INTU: variants seen among roughly 807,000 people sequenced by gnomAD.
INTU encodes the protein inturned planar cell polarity protein.
Under a neutral mutation model 100.5 loss-of-function variants are expected in INTU, and 68 were observed. That is an observed-to-expected ratio of 0.68 (90% CI 0.56 to 0.83). The LOEUF (loss-of-function observed/expected upper bound fraction) is 0.83, where lower values mean the gene tolerates loss of function less well. Ranked by LOEUF, INTU falls within the 40% of genes least tolerant of loss-of-function variation. The pLI, the probability that INTU is intolerant of heterozygous loss-of-function variation, is 0.00. For synonymous variants in INTU, 357 were observed against 395.7 expected, an observed-to-expected ratio of 0.90 and a Z score of 1.16; for missense variants, 1,071 against 1,114.7, an observed-to-expected ratio of 0.96 and a Z score of 0.56.
At chr4:127,691,962 G>GTGTATATA in intron 8 of INTU, among the ~76,000 whole-genome samples, 2,114 of 98,240 alleles carry the variant, frequency 0.022, 305 homozygotes, top group East Asian at 0.12. Context: ...TCCATGGTAT[G>GTGTATATA]TATATATATA....
Position 127,672,987 on chromosome 4 carries a change from C to T in INTU, c.1092-1137C>T, listed in dbSNP as rs187815264. Among the ~76,000 whole-genome samples the T allele has an allele frequency of 2.7e-3, 418 of 152,292 alleles. 4 individuals carry two copies. Among genetic ancestry groups the T allele is most frequent in the African/African-American group, 9.5e-3 (394 of 41,568 alleles). On this transcript the variant is annotated intron_variant, in intron 5 of 15. Transcript: ENST00000335251. ...CCTGAAACTATCGACACAGTGAATA[C>T]ATTCATCACCCCAAAAGTTTCCTTG...
chr4:127,688,666 C>T (rs900067957), intron 8 of INTU, among the ~76,000 whole-genome samples: 1 of 152,170 alleles, frequency 6.6e-6, no homozygotes, highest in African/African-American at 2.4e-5. Flanking sequence ...ATTGATGTAT[C>T]AATCACTTTG....
At chr4:127,692,175 A>G (rs138965936) in intron 8 of INTU, among the ~76,000 whole-genome samples, 1,864 of 151,758 alleles carry the variant, frequency 0.012, 23 homozygotes, top group South Asian at 0.031. Context: ...AATCTCCACA[A>G]TGTTTTCCAT....
intron 1 of INTU, among the ~76,000 whole-genome samples, chr4:127,637,155 G>GTTGCCTC (rs1460331768): frequency 2.0e-5 from 3 of 152,190 alleles, no homozygotes; most frequent in South Asian, 2.1e-4. Flanking sequence ...TACTTAAAAG[G>GTTGCCTC]TTGCCTCTTG....
intron 4 of INTU, among the ~76,000 whole-genome samples, chr4:127,668,172 G>T (rs2126205399): frequency 6.6e-6 from 1 of 152,012 alleles, no homozygotes; most frequent in East Asian, 1.9e-4. Context: ...AATAAATGTT[G>T]CTTTAAGTAA....
chr4:127,645,304 G>A (rs1407323148), intron 2 of INTU, among the ~76,000 whole-genome samples: 2 of 152,096 alleles, frequency 1.3e-5, no homozygotes, highest in East Asian at 1.9e-4. Flanking sequence ...TTATTTTGGG[G>A]ATACTTGCCC....
chr4:127,691,980 A>ATATATATATATATATGTGTG (rs971919620), intron 8 of INTU, among the ~76,000 whole-genome samples: 2 of 143,416 alleles, frequency 1.4e-5, no homozygotes, highest in African/African-American at 5.3e-5. Context: ...ATATATATAT[A>ATATATATATATATATGTGTG]TGTCACATTT....
At chr4:127,684,597 C>T (rs565506530) in intron 7 of INTU, 111 bp downstream of exon 7, 44 of 578,508 alleles carry the variant, frequency 7.6e-5, no homozygotes, top group African/African-American at 7.2e-4. Context: ...CTCTTTTCTC[C>T]TCCCTCCCCT....
rs2255457 is a variant in INTU at position 127,633,249 on chromosome 4, G to A, written c.146+69G>A. ...CAGAGAATATACACGTGGGCTGGGG[G>A]AACTGCAAGGGTGTTGGCGTGGTTG... On this transcript the variant is annotated intron_variant, in intron 1 of 15. Coordinates refer to ENST00000335251, the MANE Select transcript of INTU (RefSeq NM_015693.4). The A allele has an allele frequency of 0.48, 727,776 of 1,518,026 alleles. 177,914 individuals carry two copies. Among genetic ancestry groups the A allele is most frequent in the South Asian group, 0.64 (52,596 of 82,110 alleles). The allele number at this position is 1,518,026 out of a possible 1,614,324, so 94.0% of individuals were successfully genotyped here.
intron 5 of INTU, among the ~76,000 whole-genome samples, chr4:127,672,290 G>A (rs1225496962): frequency 1.3e-5 from 2 of 152,090 alleles, no homozygotes; most frequent in Non-Finnish European, 2.9e-5. Context: ...CAACCCCTGG[G>A]CAACTGCTAA....
intron 2 of INTU, among the ~76,000 whole-genome samples, chr4:127,651,578 A>G (rs910798585): frequency 3.1e-4 from 47 of 152,182 alleles, no homozygotes; most frequent in African/African-American, 9.6e-4. Flanking sequence ...ATTGATCTAT[A>G]TCTCTGTTTT....
chr4:127,655,369 C>G (rs1253085201), intron 2 of INTU, among the ~76,000 whole-genome samples: 1 of 151,346 alleles, frequency 6.6e-6, no homozygotes, highest in Admixed American at 6.6e-5. Flanking sequence ...TACTTTTGGT[C>G]TTTGATGATG....
Position 127,687,810 on chromosome 4 carries a change from A to G in INTU, c.1392A>G (p.Ala464=), listed in dbSNP as rs778222699. Residue 464 remains alanine (A), a synonymous_variant, in exon 8 of 16, where the codon GCA becomes GCG. Transcript: ENST00000335251. ...CTCAGCAGTACGATGCTTCCAGTGC[A>G]GTACTTTTAGACAACCTCCCTGGAG... The part of the protein sequence containing the change: ...PSAQQYDASS[A]VLLDNLPGVR... The G allele has an allele frequency of 1.2e-6, 2 of 1,609,266 alleles. No individual in the cohort carries two copies. The highest frequency in any genetic ancestry group is 1.7e-6 in the Non-Finnish European group (2 of 1,176,938).
chr4:127,725,227 A>C lies in INTU; in HGVS notation c.*8791A>C, dbSNP rs1245999209. On this transcript the variant is annotated 3_prime_UTR_variant, in exon 16 of 16. Coordinates refer to ENST00000335251, the MANE Select transcript of INTU (RefSeq NM_015693.4). ...GAGGCTGAGGCAGGAGAATCACTTG[A>C]ACCCAGGAAGCAGAGGCTGCAGTGA... The C allele has an allele frequency of 3.9e-5, 6 of 151,996 alleles. No individual in the cohort carries two copies. Among genetic ancestry groups the C allele is most frequent in the Non-Finnish European group, 8.8e-5 (6 of 68,112 alleles). 9.4% of individuals were successfully genotyped at this position (151,996 alleles called of 1,614,324 possible).
Position 127,674,168 on chromosome 4 carries a change from G to A in INTU, c.1136G>A (p.Trp379Ter). The A allele has an allele frequency of 1.2e-6, 2 of 1,611,830 alleles. No individual in the cohort carries two copies. Among genetic ancestry groups the A allele is most frequent in the South Asian group, 1.1e-5 (1 of 90,414 alleles). ...GGAAAACAAATTCATGTGGCTTATTGGAAAGAATCTGACAAGTTGTTGCTA... is the reference window on the plus strand; with the variant it reads ...GGAAAACAAATTCATGTGGCTTATTAGAAAGAATCTGACAAGTTGTTGCTA... ...LNGKQIHVAY[W>*]KESDKLLLIG... is the part of the protein sequence containing the mutation. The change falls in exon 6 of 16, where the codon TGG becomes TAG. Residue 379 changes from tryptophan (W) to a stop codon, truncating the protein, a stop_gained. Coordinates refer to ENST00000335251, the MANE Select transcript of INTU (RefSeq NM_015693.4). LOFTEE classifies it high-confidence loss of function.
rs780429372 is a variant in INTU at position 127,633,091 on chromosome 4, C to T, written c.57C>T (p.Asp19=). ...CGAGCTCAGACGAGCTCCCTGGAGA[C>T]CCCTCTTCACAAGAAGAAGATGAGG... ...SRPSSDELPG[D]PSSQEEDEDY... is the part of the protein sequence containing the mutation. The change falls in exon 1 of 16, where the codon GAC becomes GAT. Residue 19 remains aspartate, a synonymous_variant. Coordinates refer to ENST00000335251, the MANE Select transcript of INTU (RefSeq NM_015693.4). 1.2e-6 allele frequency: 2 copies of T among 1,614,012 alleles called. No individual in the cohort carries two copies. Among genetic ancestry groups the T allele is most frequent in the Non-Finnish European group, 1.7e-6 (2 of 1,179,882 alleles).
intron 1 of INTU, among the ~76,000 whole-genome samples, chr4:127,637,758 A>G (rs1727134918): frequency 6.6e-6 from 1 of 152,184 alleles, no homozygotes; most frequent in African/African-American, 2.4e-5. Flanking sequence ...TTGTCCTGCC[A>G]GGGTTAGATT....
intron 6 of INTU, among the ~76,000 whole-genome samples, chr4:127,683,649 A>G (rs926853023): frequency 6.6e-5 from 10 of 152,152 alleles, no homozygotes; most frequent in African/African-American, 1.9e-4. Context: ...ATCGAGGGAC[A>G]TGTGTTTTCA....
chr4:127,726,267 A>G lies in INTU; in HGVS notation c.*9831A>G, dbSNP rs1731414885. 1 of 152,214 alleles carries G rather than the reference A, an allele frequency of 6.6e-6. No individual in the cohort carries two copies. Among genetic ancestry groups the G allele is most frequent in the Admixed American group, 6.5e-5 (1 of 15,280 alleles). 9.4% of individuals were successfully genotyped at this position (152,214 alleles called of 1,614,324 possible). ...TGATGATGCTGTATAATGGCAAGAT[A>G]GCATTTTGTAATACCTGCTTTTTTA... On this transcript the variant is annotated 3_prime_UTR_variant, in exon 16 of 16. Coordinates refer to ENST00000335251, the MANE Select transcript of INTU (RefSeq NM_015693.4).
Sources: gnomAD v4.1 joint callset for allele counts (sites outside exome capture counted in the v4.1 genomes callset) on GRCh38, gnomAD v4.1.1 for gene constraint, MANE v1.5 for transcripts, NCBI Gene and HGNC (gene_info 2026-07-23, HGNC 2026-07-21) for gene names.